ADGRL3: variants seen among roughly 807,000 people sequenced by gnomAD.
ADGRL3 encodes adhesion G protein-coupled receptor L3, also known as calcium-independent alpha-latrotoxin receptor 3.
Under a neutral mutation model 153.5 loss-of-function variants are expected in ADGRL3, and 62 were observed. The ratio of observed to expected loss-of-function variants is 0.40; its 90% confidence interval spans 0.33 to 0.50. The LOEUF (loss-of-function observed/expected upper bound fraction) is 0.50. Among genes scored for constraint, ADGRL3 ranks in the 20% least tolerant of loss-of-function variants. ADGRL3 has a pLI of 0.47. For missense variants in ADGRL3, 1,641 were observed against 1,859.4 expected (o/e 0.88, Z 2.16); for synonymous variants, 710 against 672.5 (o/e 1.06, Z -0.86).
At chr4:61,355,979 A>G (rs961739455) in intron 1 of ADGRL3, among the ~76,000 whole-genome samples, 2 of 152,044 alleles carry the variant, frequency 1.3e-5, no homozygotes, top group South Asian at 2.1e-4. Flanking sequence ...ATAATTTATA[A>G]TGTATTTGAT....
intron 16 of ADGRL3, 41 bp downstream of exon 16, chr4:61,947,163 G>A: frequency 6.8e-7 from 1 of 1,469,442 alleles, no homozygotes; most frequent in Non-Finnish European, 9.5e-7. Context: ...CATATTATCT[G>A]TATTTTTATA....
chr4:61,438,777 G>A (rs1209747404), intron 2 of ADGRL3, among the ~76,000 whole-genome samples: 1 of 149,178 alleles, frequency 6.7e-6, no homozygotes. Context: ...GTGCGATCTC[G>A]GCTCACTGCA....
chr4:61,982,958 T>C (rs1403947585), intron 18 of ADGRL3, among the ~76,000 whole-genome samples: 1 of 152,188 alleles, frequency 6.6e-6, no homozygotes, highest in Non-Finnish European at 1.5e-5. Flanking sequence ...TTTTAATGTT[T>C]CTCTTTCACT....
intron 8 of ADGRL3, among the ~76,000 whole-genome samples, chr4:61,767,648 C>G (rs894943347): frequency 6.6e-6 from 1 of 152,132 alleles, no homozygotes; most frequent in Non-Finnish European, 1.5e-5. Context: ...GTGAGTTGAA[C>G]AGTCCAATTT....
At chr4:61,824,744 C>T (rs1191170019) in intron 9 of ADGRL3, among the ~76,000 whole-genome samples, 1 of 152,138 alleles carries the variant, frequency 6.6e-6, no homozygotes, top group African/African-American at 2.4e-5. Flanking sequence ...CATATATGCA[C>T]ACACACACAT....
chr4:61,917,612 T>A (rs2098750688), intron 13 of ADGRL3, among the ~76,000 whole-genome samples: 1 of 149,696 alleles, frequency 6.7e-6, no homozygotes, highest in African/African-American at 2.6e-5. Flanking sequence ...CACCAACACA[T>A]GTGATTTTCT....
chr4:61,319,969 T>A (rs2095320253), intron 1 of ADGRL3, among the ~76,000 whole-genome samples: 1 of 152,152 alleles, frequency 6.6e-6, no homozygotes, highest in African/African-American at 2.4e-5. Flanking sequence ...GAAATACAGC[T>A]GAGAAGGTGA....
intron 8 of ADGRL3, among the ~76,000 whole-genome samples, chr4:61,796,113 T>A (rs1354548149): frequency 1.3e-5 from 2 of 152,144 alleles, no homozygotes; most frequent in African/African-American, 4.8e-5. Context: ...AGTGCTGGGA[T>A]TATAAGCGTG....
At chr4:61,930,063 C>G (rs2098811288) in intron 13 of ADGRL3, among the ~76,000 whole-genome samples, 2 of 151,800 alleles carry the variant, frequency 1.3e-5, no homozygotes, top group African/African-American at 4.8e-5. Flanking sequence ...GTAGTCCCAG[C>G]TACTCGGGAG....
chr4:61,574,248 G>A (rs761487032), intron 4 of ADGRL3, among the ~76,000 whole-genome samples: 2 of 151,878 alleles, frequency 1.3e-5, no homozygotes, highest in African/African-American at 2.4e-5. Flanking sequence ...GTGCATCTGT[G>A]TATATGTGTG....
chr4:61,682,921 C>T (rs890630267), intron 6 of ADGRL3, among the ~76,000 whole-genome samples: 3 of 152,032 alleles, frequency 2.0e-5, no homozygotes, highest in Admixed American at 6.6e-5. Flanking sequence ...AAGATTCTGT[C>T]GTCCTTCAAG....
intron 8 of ADGRL3, among the ~76,000 whole-genome samples, chr4:61,751,359 T>G (rs2096754523): frequency 6.6e-6 from 1 of 152,172 alleles, no homozygotes; most frequent in African/African-American, 2.4e-5. Flanking sequence ...GTTATTATTA[T>G]TTCGTTTGAG....
intron 11 of ADGRL3, among the ~76,000 whole-genome samples, chr4:61,907,514 C>A (rs1449770998): frequency 2.0e-5 from 3 of 151,922 alleles, no homozygotes; most frequent in Admixed American, 2.0e-4. Context: ...GCCTCAGCCT[C>A]CCAAAGTGCT....
intron 1 of ADGRL3, among the ~76,000 whole-genome samples, chr4:61,351,529 G>A (rs1226609899): frequency 6.6e-6 from 1 of 152,164 alleles, no homozygotes; most frequent in Non-Finnish European, 1.5e-5. Context: ...TGGCTTCAAA[G>A]CTTCAGAGGA....
chr4:61,621,724 G>A (rs779787424), intron 5 of ADGRL3, among the ~76,000 whole-genome samples: 13 of 151,740 alleles, frequency 8.6e-5, no homozygotes, highest in Non-Finnish European at 1.8e-4. Context: ...ACTTGTGGTC[G>A]TCAAGATAGC....
At position 62,076,823 on chromosome 4, in the gene ADGRL3, G is replaced by T. The variant is rs1401411953; in HGVS notation, c.*5915G>T. 1 of 151,668 alleles carries T rather than the reference G, an allele frequency of 6.6e-6. No individual in the cohort carries two copies. The highest frequency in any genetic ancestry group is 1.5e-5 in the Non-Finnish European group (1 of 67,796). The allele number at this position is 151,668 out of a possible 1,614,324, so 9.4% of individuals were successfully genotyped here. A position where few individuals can be genotyped will look rare whatever the true frequency, so the allele number is the denominator to read the frequency against. ...CTGCTGGCTCTATTGAACACCAACA[G>T]AGTTAATGCTTTTAGTAGCTTTGTA... On this transcript the variant is annotated 3_prime_UTR_variant, in exon 27 of 27. Coordinates refer to ENST00000683033, the MANE Select transcript of ADGRL3 (RefSeq NM_001387552.1).
chr4:61,771,246 T>G (rs553254424), intron 8 of ADGRL3, among the ~76,000 whole-genome samples: 3 of 152,312 alleles, frequency 2.0e-5, no homozygotes, highest in African/African-American at 7.2e-5. Flanking sequence ...GCAAGTTCCC[T>G]TATCTGCACA....
At chr4:61,525,715 TG>T (rs1205303650) in intron 4 of ADGRL3, among the ~76,000 whole-genome samples, 1 of 152,090 alleles carries the variant, frequency 6.6e-6, no homozygotes, top group Non-Finnish European at 1.5e-5. Flanking sequence ...ATAGTACTAC[TG>T]GGCTACTAAT....
At chr4:61,875,379 T>G (rs560881170) in intron 9 of ADGRL3, among the ~76,000 whole-genome samples, 1 of 152,300 alleles carries the variant, frequency 6.6e-6, no homozygotes, top group East Asian at 1.9e-4. Flanking sequence ...TAAGGTAATG[T>G]GAGTCACATA....
Sources: allele counts gnomAD v4.1 joint callset (sites outside exome capture counted in the v4.1 genomes callset), GRCh38; gene constraint gnomAD v4.1.1; transcripts MANE v1.5; gene names NCBI Gene and HGNC (gene_info 2026-07-23, HGNC 2026-07-21).